PARL: variants seen among roughly 807,000 people sequenced by gnomAD.
The protein encoded by PARL is presenilin-associated rhomboid-like protein, mitochondrial.
PARL carries 44 observed loss-of-function variants against 51.6 expected under a neutral mutation model. That is an observed-to-expected ratio of 0.85 (90% CI 0.67 to 1.10). The LOEUF (loss-of-function observed/expected upper bound fraction) is 1.10, where lower values mean the gene tolerates loss of function less well. Ranked by LOEUF, PARL falls within the 50% of genes least tolerant of loss-of-function variation. The pLI is 0.00. For synonymous variants in PARL, 172 were observed against 164.0 expected, an observed-to-expected ratio of 1.05 and a Z score of -0.37; for missense variants, 441 against 469.5, an observed-to-expected ratio of 0.94 and a Z score of 0.56.
intron 1 of PARL, among the ~76,000 whole-genome samples, chr3:183,882,247 A>ATATATATATATATATATT (rs1734582926): frequency 2.6e-4 from 6 of 23,332 alleles, no homozygotes; most frequent in South Asian, 1.5e-3. Flanking sequence ...ATATATATTT[A>ATATATATATATATATATT]TATATATATA....
intron 1 of PARL, among the ~76,000 whole-genome samples, chr3:183,882,432 GAGAA>G (rs1448300563): frequency 6.8e-5 from 10 of 146,526 alleles, no homozygotes; most frequent in African/African-American, 1.5e-4. Context: ...GAGAGAGAGA[GAGAA>G]AGAGAGAGAC....
chr3:183,839,544 G>A (rs1274666218), intron 7 of PARL, among the ~76,000 whole-genome samples: 1 of 151,672 alleles, frequency 6.6e-6, no homozygotes, highest in Non-Finnish European at 1.5e-5. Flanking sequence ...TCAGCCTCCC[G>A]AGTAGCTGGG....
intron 4 of PARL, among the ~76,000 whole-genome samples, chr3:183,860,121 C>T (rs2108658496): frequency 6.6e-6 from 1 of 151,718 alleles, no homozygotes; most frequent in African/African-American, 2.4e-5. Flanking sequence ...ACGGAGTAGA[C>T]CTGTCACCCC....
intron 9 of PARL, 113 bp downstream of exon 9, chr3:183,833,379 C>T (rs1465960270): frequency 1.7e-5 from 13 of 752,244 alleles, no homozygotes; most frequent in South Asian, 1.2e-4. Flanking sequence ...CTTCTGCTTC[C>T]GTTGCATAGT....
At chr3:183,842,200 C>T in intron 6 of PARL, 98 bp downstream of exon 6, 1 of 1,163,662 alleles carries the variant, frequency 8.6e-7, no homozygotes, top group Non-Finnish European at 1.3e-6. Context: ...TGAGCACTCA[C>T]TACGTGTAGA....
chr3:183,842,786 C>A (rs1729480288), intron 5 of PARL, among the ~76,000 whole-genome samples: 1 of 112,496 alleles, frequency 8.9e-6, no homozygotes, highest in African/African-American at 3.5e-5. Context: ...CCAGCCTGGG[C>A]CATAGAGCGA....
intron 9 of PARL, among the ~76,000 whole-genome samples, chr3:183,830,594 A>G (rs181887308): frequency 3.6e-4 from 55 of 152,300 alleles, no homozygotes; most frequent in African/African-American, 1.2e-3. Context: ...TGGCTTCCCC[A>G]AACAGATTTC....
chr3:183,848,492 C>T (rs747139906), intron 4 of PARL, among the ~76,000 whole-genome samples: 8 of 152,148 alleles, frequency 5.3e-5, no homozygotes, highest in East Asian at 1.9e-4. Context: ...CTGCCCGCGT[C>T]GGCCTCCCAA....
intron 1 of PARL, among the ~76,000 whole-genome samples, chr3:183,875,788 G>A (rs1733738748): frequency 1.3e-5 from 2 of 152,192 alleles, no homozygotes; most frequent in African/African-American, 4.8e-5. Context: ...TCTATTGGAA[G>A]AAGATGCCAT....
intron 3 of PARL, 21 bp downstream of exon 3, chr3:183,866,604 G>T: frequency 1.2e-6 from 2 of 1,605,250 alleles, no homozygotes; most frequent in South Asian, 1.1e-5. Flanking sequence ...CTAGAAGAAA[G>T]AAAGCAGTGT....
At chr3:183,856,793 T>A (rs922074527) in intron 4 of PARL, among the ~76,000 whole-genome samples, 1 of 152,266 alleles carries the variant, frequency 6.6e-6, no homozygotes, top group African/African-American at 2.4e-5. Flanking sequence ...GTATTTATAC[T>A]CTGTACATTG....
At chr3:183,851,152 C>T (rs1420266359) in intron 4 of PARL, among the ~76,000 whole-genome samples, 1 of 152,118 alleles carries the variant, frequency 6.6e-6, no homozygotes, top group Non-Finnish European at 1.5e-5. Context: ...AACATTAACT[C>T]CGAATTAATC....
In PARL at chr3:183,882,254, T is replaced by A. The variant is rs1386656213; in HGVS notation, c.125+2468A>T. ...ATATATATATATATATTTATATATA[T>A]ATATATATATATATTTATATATATA... On this transcript the variant is annotated intron_variant, in intron 1 of 9. Coordinates refer to ENST00000317096, the MANE Select transcript of PARL (RefSeq NM_018622.7). Among the ~76,000 whole-genome samples, 8 of 40,362 alleles carry A rather than the reference T, an allele frequency of 2.0e-4. 1 individual carries two copies. Among genetic ancestry groups the A allele is most frequent in the East Asian group, 1.9e-3 (3 of 1,594 alleles). 26.5% of individuals were successfully genotyped at this position (40,362 alleles called of 152,430 possible).
intron 7 of PARL, among the ~76,000 whole-genome samples, chr3:183,836,579 C>T (rs2108593609): frequency 6.6e-6 from 1 of 152,278 alleles, no homozygotes. Context: ...AAAACGCTCA[C>T]ATTCATACAC....
At chr3:183,829,952 G>A (rs2108573626) in intron 9 of PARL, among the ~76,000 whole-genome samples, 1 of 152,088 alleles carries the variant, frequency 6.6e-6, no homozygotes, top group East Asian at 1.9e-4. Flanking sequence ...TACTACTTTT[G>A]ATTCACCACT....
At chr3:183,881,275 C>A (rs1232216070) in intron 1 of PARL, among the ~76,000 whole-genome samples, 2 of 152,104 alleles carry the variant, frequency 1.3e-5, no homozygotes, top group African/African-American at 2.4e-5. Flanking sequence ...GCCCCTGCCA[C>A]CGTGCCTGGC....
At chr3:183,846,018 C>A (rs1163115434) in intron 4 of PARL, among the ~76,000 whole-genome samples, 1 of 152,068 alleles carries the variant, frequency 6.6e-6, no homozygotes, top group African/African-American at 2.4e-5. Context: ...ATCCTGCCTA[C>A]TAGGCTGAAA....
intron 1 of PARL, among the ~76,000 whole-genome samples, chr3:183,877,798 T>C (rs1734013520): frequency 7.8e-6 from 1 of 128,814 alleles, no homozygotes; most frequent in African/African-American, 3.1e-5. Flanking sequence ...AAACCATAAT[T>C]TATTACTTTT....
intron 4 of PARL, among the ~76,000 whole-genome samples, chr3:183,854,722 T>A (rs1193299155): frequency 6.7e-6 from 1 of 148,850 alleles, no homozygotes; most frequent in African/African-American, 2.5e-5. Context: ...TAAGATGGTA[T>A]ATTTCATGTT....
Sources: gnomAD v4.1 joint callset for allele counts (sites outside exome capture counted in the v4.1 genomes callset) on GRCh38, gnomAD v4.1.1 for gene constraint, MANE v1.5 for transcripts, NCBI Gene and HGNC (gene_info 2026-07-23, HGNC 2026-07-21) for gene names.